Variants in SIPA1L3 observed in about 807,000 individuals in gnomAD.
The protein encoded by SIPA1L3 is signal-induced proliferation-associated 1-like protein 3.
A neutral mutation model predicts 150.1 loss-of-function variants in SIPA1L3; 59 were observed. The ratio of observed to expected loss-of-function variants is 0.39; its 90% confidence interval spans 0.32 to 0.49. SIPA1L3 has a LOEUF of 0.49. Among genes scored for constraint, SIPA1L3 ranks in the 20% least tolerant of loss-of-function variants. The pLI, the probability that SIPA1L3 is intolerant of heterozygous loss-of-function variation, is 0.86. For synonymous variants in SIPA1L3, 1,070 were observed against 1,077.6 expected, an observed-to-expected ratio of 0.99 and a Z score of 0.14; for missense variants, 2,211 against 2,489.5, an observed-to-expected ratio of 0.89 and a Z score of 2.38.
intron 1 of SIPA1L3, among the ~76,000 whole-genome samples, chr19:37,992,691 A>G (rs1375627719): frequency 6.6e-6 from 1 of 151,732 alleles, no homozygotes; most frequent in Non-Finnish European, 1.5e-5. Flanking sequence ...TGGTTCTAGA[A>G]AACTCCAAGT....
chr19:38,100,236 T>G (rs1203728946), intron 5 of SIPA1L3, 86 bp downstream of exon 5: 2 of 1,085,648 alleles, frequency 1.8e-6, no homozygotes, highest in East Asian at 3.0e-5. Flanking sequence ...TTGGTCACTT[T>G]CTTTTTTCTT....
chr19:38,101,656 C>T (rs1265080247), intron 6 of SIPA1L3, among the ~76,000 whole-genome samples: 2 of 152,164 alleles, frequency 1.3e-5, no homozygotes, highest in African/African-American at 4.8e-5. Flanking sequence ...AGTGATCCAC[C>T]CACCTCAGCC....
intron 1 of SIPA1L3, among the ~76,000 whole-genome samples, chr19:37,934,728 C>G (rs1277004264): frequency 6.6e-6 from 1 of 150,660 alleles, no homozygotes; most frequent in African/African-American, 2.4e-5. Flanking sequence ...TGGTAACAAT[C>G]AAGGACTGTA....
At chr19:38,081,023 CAAAG>C (rs1197752567) in intron 2 of SIPA1L3, among the ~76,000 whole-genome samples, 1 of 150,670 alleles carries the variant, frequency 6.6e-6, no homozygotes, top group East Asian at 1.9e-4. Context: ...CTATCAGAAA[CAAAG>C]AAGGTCACAA....
At chr19:38,006,682 G>T (rs114660364) in intron 1 of SIPA1L3, among the ~76,000 whole-genome samples, 1,965 of 152,266 alleles carry the variant, frequency 0.013, 45 homozygotes, top group African/African-American at 0.046. Flanking sequence ...GGGCATCCAG[G>T]CTTCTCCGGA....
At chr19:38,119,103 G>A (rs765444206) in intron 8 of SIPA1L3, among the ~76,000 whole-genome samples, 1 of 152,198 alleles carries the variant, frequency 6.6e-6, no homozygotes, top group Non-Finnish European at 1.5e-5. Context: ...GGCTGAGGCA[G>A]GAGGATTGCT....
At chr19:37,955,323 G>A (rs918157709) in intron 1 of SIPA1L3, among the ~76,000 whole-genome samples, 4 of 151,736 alleles carry the variant, frequency 2.6e-5, no homozygotes, top group African/African-American at 7.3e-5. Context: ...CCTAGGAGGC[G>A]GAGGTTGCCG....
At chr19:38,181,236 T>A (rs1972548135) in intron 15 of SIPA1L3, among the ~76,000 whole-genome samples, 1 of 152,246 alleles carries the variant, frequency 6.6e-6, no homozygotes, top group Admixed American at 6.5e-5. Context: ...TGGTCAATGT[T>A]GTCATCTCTG....
chr19:37,957,145 C>CT (rs1274265823), intron 1 of SIPA1L3, among the ~76,000 whole-genome samples: 2 of 152,202 alleles, frequency 1.3e-5, no homozygotes, highest in Non-Finnish European at 2.9e-5. Context: ...GTTTAAATGT[C>CT]TATCCTACTG....
intron 2 of SIPA1L3, among the ~76,000 whole-genome samples, chr19:38,079,266 G>A (rs1383875241): frequency 6.6e-6 from 1 of 152,212 alleles, no homozygotes; most frequent in Non-Finnish European, 1.5e-5. Flanking sequence ...CCAGGAGGCG[G>A]AGCTTGCAGT....
intron 1 of SIPA1L3, among the ~76,000 whole-genome samples, chr19:37,954,106 A>G (rs2046787869): frequency 6.6e-6 from 1 of 152,130 alleles, no homozygotes; most frequent in South Asian, 2.1e-4. Flanking sequence ...TTACTACCTT[A>G]TTGAGTAAAG....
At chr19:38,151,450 G>A (rs1019475092) in intron 12 of SIPA1L3, among the ~76,000 whole-genome samples, 4 of 152,184 alleles carry the variant, frequency 2.6e-5, no homozygotes, top group African/African-American at 9.7e-5. Flanking sequence ...AAGGGACCTG[G>A]AAGTGTGTCC....
chr19:38,132,596 A>AAG (rs1324831531), intron 10 of SIPA1L3, among the ~76,000 whole-genome samples: 2 of 151,328 alleles, frequency 1.3e-5, no homozygotes, highest in Admixed American at 6.6e-5. Context: ...AAAAAAAAAA[A>AAG]AAAGAAAAAA....
chr19:38,005,130 A>C lies in SIPA1L3; in HGVS notation c.-378-23959A>C, dbSNP rs565225332. On this transcript the variant is annotated intron_variant, in intron 1 of 21. Coordinates refer to ENST00000222345, the MANE Select transcript of SIPA1L3 (RefSeq NM_015073.3). ...GCCAATCAGCTACAGGCAGGGATGA[A>C]GTCATTGCTCCCTCTGTCCCCTGCC... 9.2e-5 allele frequency among the ~76,000 whole-genome samples: 14 copies of C among 152,144 alleles called. 1 individual carries two copies. In the South Asian group the frequency reaches 2.9e-3, roughly 32 times the overall value.
intron 1 of SIPA1L3, among the ~76,000 whole-genome samples, chr19:37,979,440 C>T (rs1329611806): frequency 6.6e-6 from 1 of 151,720 alleles, no homozygotes; most frequent in Non-Finnish European, 1.5e-5. Flanking sequence ...ACCTGTAATC[C>T]CAGCTACTCA....
At chr19:38,183,116 G>A in intron 16 of SIPA1L3, 2 of 222,512 alleles carry the variant, frequency 9.0e-6, no homozygotes, top group Non-Finnish European at 1.8e-5. Flanking sequence ...GCCAGGGGAG[G>A]GTGTGGGAAC....
In SIPA1L3 at chr19:38,162,334, A is replaced by C; in HGVS notation, c.3743A>C (p.Asp1248Ala). The change falls in exon 14 of 22, where the codon GAT becomes GCT. Residue 1248 changes from aspartate to alanine, a missense_variant. Asp to Ala is a moderately radical substitution (Grantham distance 126). Transcript: ENST00000222345. Reference sequence around the variant, plus strand: ...GGGAACAAGCACCCGTCCAGGCAGGATGCAGCAGGCAAAGATTCCCCCAAC... The same window carrying C: ...GGGAACAAGCACCCGTCCAGGCAGGCTGCAGCAGGCAAAGATTCCCCCAAC... ...SSGNKHPSRQ[D>A]AAGKDSPNRH... 1 of 1,614,216 alleles carries C rather than the reference A, an allele frequency of 6.2e-7. No homozygotes were observed. Among genetic ancestry groups the C allele is most frequent in the Non-Finnish European group, 8.5e-7 (1 of 1,180,020 alleles).
In SIPA1L3 at chr19:38,198,381, C is replaced by G; in HGVS notation, c.4841-8C>G. 1 of 1,535,928 alleles carries G rather than the reference C, an allele frequency of 6.5e-7. No individual in the cohort carries two copies. Among genetic ancestry groups the G allele is most frequent in the Non-Finnish European group, 8.7e-7 (1 of 1,143,346 alleles). ...TCAACCACTGCCATCTCCACCCTCCCCATCCAGCCACCATCTCAGCCTCGG... is the reference window on the plus strand; with the variant it reads ...TCAACCACTGCCATCTCCACCCTCCGCATCCAGCCACCATCTCAGCCTCGG... On this transcript the variant is annotated splice_polypyrimidine_tract_variant and splice_region_variant and intron_variant, in intron 18 of 21. Transcript: ENST00000222345.
Position 38,016,886 on chromosome 19 carries a change from C to CTTTTTTT in SIPA1L3, c.-378-12181_-378-12175dup, listed in dbSNP as rs58459050. On this transcript the variant is annotated intron_variant, in intron 1 of 21. Coordinates refer to ENST00000222345, the MANE Select transcript of SIPA1L3 (RefSeq NM_015073.3). ...ATACTTCTTTTTCTGCCTCCTCTGG[C>CTTTTTTT]TTTTTTTTTTTTTTTTTTTTTTTTT... Among the ~76,000 whole-genome samples the CTTTTTTT allele has an allele frequency of 3.0e-4, 21 of 69,138 alleles. 4 individuals are homozygous for CTTTTTTT. Among genetic ancestry groups the CTTTTTTT allele is most frequent in the African/African-American group, 1.1e-3 (17 of 15,052 alleles). The allele number at this position is 69,138 out of a possible 152,430, so 45.4% of individuals were successfully genotyped here. A position where few individuals can be genotyped will look rare whatever the true frequency, so the allele number is the denominator to read the frequency against.
Sources: gnomAD v4.1 joint callset for allele counts (sites outside exome capture counted in the v4.1 genomes callset) on GRCh38, gnomAD v4.1.1 for gene constraint, MANE v1.5 for transcripts, NCBI Gene and HGNC (gene_info 2026-07-23, HGNC 2026-07-21) for gene names.